ITPR3: variants seen among roughly 807,000 people sequenced by gnomAD.
The protein encoded by ITPR3 is inositol 1,4,5-trisphosphate receptor type 3.
ITPR3 carries 173 observed loss-of-function variants against 293.2 expected under a neutral mutation model. The ratio of observed to expected loss-of-function variants is 0.59; its 90% CI spans 0.52 to 0.67. The LOEUF is 0.67. Among genes scored for constraint, ITPR3 ranks in the 30% least tolerant of loss-of-function variants. ITPR3 has a pLI of 0.00. For missense variants in ITPR3, 2,796 were observed against 3,592.1 expected (o/e 0.78, Z 5.66); for synonymous variants, 1,295 against 1,444.4 (o/e 0.90, Z 2.35).
At position 33,695,875 on chromosome 6, in the gene ITPR3, C is replaced by A; in HGVS notation, c.*95C>A. 8.1e-7 allele frequency: 1 copy of A among 1,231,724 alleles called. No homozygotes were observed. The allele number at this position is 1,231,724 out of a possible 1,614,324, so 76.3% of individuals were successfully genotyped here. A position where few individuals can be genotyped will look rare whatever the true frequency, so the allele number is the denominator to read the frequency against. ...CCTCCCTCGGGTTGGGTGGCCCAGC[C>A]AGCTGGCCAGCCTCCACTCCCACTC... On this transcript the variant is annotated 3_prime_UTR_variant, in exon 58 of 58. Coordinates refer to ENST00000605930, the MANE Select transcript of ITPR3 (RefSeq NM_002224.4).
Position 33,675,042 on chromosome 6 carries a change from G to A in ITPR3, c.3117-649G>A, listed in dbSNP as rs1345367671. Among the ~76,000 whole-genome samples the A allele has an allele frequency of 6.6e-6, 1 of 152,166 alleles. No individual in the cohort carries two copies. Among genetic ancestry groups the A allele is most frequent in the African/African-American group, 2.4e-5 (1 of 41,416 alleles). ...TTGGTTAGAGGTTGGGAAAAATAAA[G>A]ATGTAACATTTTCTCCATCTCTGTT... On this transcript the variant is annotated intron_variant, in intron 24 of 57. Coordinates refer to ENST00000605930, the MANE Select transcript of ITPR3 (RefSeq NM_002224.4). The surrounding 1 kb of genome is among the most constrained non-coding windows in gnomAD (Gnocchi z 5.0).
At position 33,633,030 on chromosome 6, in the gene ITPR3, A is replaced by G. The variant is rs1043196197; in HGVS notation, c.90-7454A>G. Among the ~76,000 whole-genome samples the G allele has an allele frequency of 6.6e-6, 1 of 152,204 alleles. No individual in the cohort carries two copies. Among genetic ancestry groups the G allele is most frequent in the Admixed American group, 6.5e-5 (1 of 15,278 alleles). On this transcript the variant is annotated intron_variant, in intron 1 of 57. Transcript: ENST00000605930. This position sits in a 1 kb window ranked among gnomAD's most constrained non-coding sequence, Gnocchi z 5.2. ...CACTCTGGACTGTGGTAAGAACACA[A>G]TGAGATACTGGATGTAAAAACGATT...
At chr6:33,627,559 C>T (rs1763575747) in intron 1 of ITPR3, among the ~76,000 whole-genome samples, 1 of 152,196 alleles carries the variant, frequency 6.6e-6, no homozygotes, top group Non-Finnish European at 1.5e-5. Flanking sequence ...GAACAATTTG[C>T]CCTGAACATC....
Position 33,655,822 on chromosome 6 carries a change from A to G in ITPR3, c.217A>G (p.Lys73Glu), listed in dbSNP as rs762654309. 1 of 1,614,064 alleles carries G rather than the reference A, an allele frequency of 6.2e-7. No homozygotes were observed. The highest frequency in any genetic ancestry group is 8.5e-7 in the Non-Finnish European group (1 of 1,179,990). Residue 73 changes from lysine to glutamate, a missense_variant, in exon 3 of 58, where the codon AAG becomes GAG. Coordinates refer to ENST00000605930, the MANE Select transcript of ITPR3 (RefSeq NM_002224.4). The surrounding 1 kb of genome is among the most constrained non-coding windows in gnomAD (Gnocchi z 4.9). Reference sequence around the variant, plus strand: ...CTACTCGGCCCAGAAGCAGTACTGGAAGGCCAAGCAGACTAAGCAGGACAA... The same window carrying G: ...CTACTCGGCCCAGAAGCAGTACTGGGAGGCCAAGCAGACTAAGCAGGACAA... ...NRYSAQKQYW[K>E]AKQTKQDKEK...
chr6:33,695,117 T>G, intron 57 of ITPR3, 32 bp downstream of exon 57: 1 of 1,609,842 alleles, frequency 6.2e-7, no homozygotes. Context: ...AGGCCCACCC[T>G]GGGTTCTATC....
At chr6:33,685,620 G>C in intron 40 of ITPR3, 23 bp from the exon 41 acceptor site, 1 of 1,583,592 alleles carries the variant, frequency 6.3e-7, no homozygotes, top group Non-Finnish European at 8.6e-7. Context: ...GGCAGCTCCA[G>C]CCTCACCAGG....
chr6:33,641,355 C>T (rs984425614), intron 2 of ITPR3, among the ~76,000 whole-genome samples: 1 of 152,236 alleles, frequency 6.6e-6, no homozygotes, highest in Admixed American at 6.5e-5. Context: ...AGTCTGCCCG[C>T]GTGGCTGCTC....
In ITPR3 at chr6:33,695,007, G is replaced by A. The variant is rs1202270868; in HGVS notation, c.7869G>A (p.Arg2623=). 1.2e-6 allele frequency: 2 copies of A among 1,613,996 alleles called. No individual in the cohort carries two copies. The highest frequency in any genetic ancestry group is 1.7e-6 in the Non-Finnish European group (2 of 1,180,038). ...NEGEGEQNEI[R]ILQDKLNSTM... is the part of the protein sequence containing the mutation. The stretch of plus-strand genomic sequence containing the variant: ...GCGAGGGGGAGCAGAATGAGATTCG[G>A]ATTCTCCAGGACAAGCTCAACTCCA... The change falls in exon 57 of 58, where the codon CGG becomes CGA. Residue 2623 remains arginine, a synonymous_variant. Coordinates refer to ENST00000605930, the MANE Select transcript of ITPR3 (RefSeq NM_002224.4).
chr6:33,647,497 CAT>C (rs1292973298), intron 2 of ITPR3, among the ~76,000 whole-genome samples: 1 of 152,156 alleles, frequency 6.6e-6, no homozygotes, highest in African/African-American at 2.4e-5. Context: ...ACTCAGTACC[CAT>C]TAAACAATAA....
intron 57 of ITPR3, 72 bp from the exon 58 acceptor site, chr6:33,695,640 T>A: frequency 4.1e-6 from 6 of 1,465,350 alleles, no homozygotes; most frequent in Non-Finnish European, 5.7e-6. Context: ...GGTGCCAAGC[T>A]CTTCCACAGC....
At chr6:33,651,806 G>C (rs1415729672) in intron 2 of ITPR3, among the ~76,000 whole-genome samples, 1 of 152,192 alleles carries the variant, frequency 6.6e-6, no homozygotes. Context: ...AGGTCACCAT[G>C]GTTCTCAGCC....
rs761943200 is a variant in ITPR3, at chr6:33,684,875, G to A, written c.5239G>A (p.Glu1747Lys). ...VCDLITSTKN[E>K]KIFQESIGLA... ...CGACCTCATCACCAGCACCAAGAAC[G>A]AGAAGATCTTCCAGGAGAGCATCGG... The change falls in exon 39 of 58, where the codon GAG (glutamate) becomes AAG (lysine). Residue 1747 changes from glutamate to lysine, a missense_variant. Transcript: ENST00000605930. This position sits in a 1 kb window ranked among gnomAD's most constrained non-coding sequence, Gnocchi z 4.2. The A allele has an allele frequency of 2.5e-6, 4 of 1,613,960 alleles. No homozygotes were observed. Among genetic ancestry groups the A allele is most frequent in the African/African-American group, 1.3e-5 (1 of 74,932 alleles).
Position 33,694,972 on chromosome 6 carries a change from A to G in ITPR3, c.7834A>G (p.Ser2612Gly). The G allele has an allele frequency of 1.9e-6, 3 of 1,614,180 alleles. No homozygotes were observed. The highest frequency in any genetic ancestry group is 2.5e-6 in the Non-Finnish European group (3 of 1,180,034). ...FPRMRAMSLV[S>G]NEGEGEQNEI... ...CCGGATGCGGGCCATGTCCCTTGTC[A>G]GCAATGAGGGCGAGGGGGAGCAGAA... Residue 2612 changes from serine (S) to glycine (G), a missense_variant, in exon 57 of 58, where the codon AGC (serine) becomes GGC (glycine). Ser to Gly is a moderately conservative substitution (Grantham distance 56). Around this residue, in one of 8 missense-constraint regions of ITPR3, gnomAD observed 568 missense variants for 796.1 expected, o/e 0.71. Transcript: ENST00000605930.
chr6:33,685,133 G>C lies in ITPR3; in HGVS notation c.5307+190G>C, dbSNP rs149974934. The stretch of plus-strand genomic sequence containing the variant: ...GAGGAGACGGGCTCAGGCCTGGCTG[G>C]GGCAGAGGGGTATGCGGGGGTGATG... On this transcript the variant is annotated intron_variant, in intron 39 of 57. Transcript: ENST00000605930. 4.0e-3 allele frequency among the ~76,000 whole-genome samples: 611 copies of C among 152,330 alleles called. 3 individuals are homozygous for C. The highest frequency in any genetic ancestry group is 0.013 in the African/African-American group (542 of 41,590).
chr6:33,669,259 T>G, intron 18 of ITPR3, 103 bp downstream of exon 18: 1 of 1,198,912 alleles, frequency 8.3e-7, no homozygotes, highest in South Asian at 1.5e-5. Context: ...CAGCCTCAGG[T>G]GGGGCTCCTG....
intron 7 of ITPR3, among the ~76,000 whole-genome samples, chr6:33,662,089 G>A (rs1764486950): frequency 6.7e-6 from 1 of 150,312 alleles, no homozygotes; most frequent in South Asian, 2.1e-4. Context: ...ATCCAACAGG[G>A]GAGCAAAAGA....
Position 33,629,183 on chromosome 6 carries a change from G to A in ITPR3, c.89+7492G>A, listed in dbSNP as rs189641866. On this transcript the variant is annotated intron_variant, in intron 1 of 57. Transcript: ENST00000605930. ...TTTACAGTGGTCACATTTGATATTT[G>A]TATTTTTTGCTGAAGTATTTTATGA... Among the ~76,000 whole-genome samples the A allele has an allele frequency of 5.9e-4, 86 of 145,426 alleles. 1 individual carries two copies. The highest frequency in any genetic ancestry group is 6.8e-3 in the Middle Eastern group (2 of 292).
chr6:33,686,958 G>C, intron 43 of ITPR3, 51 bp from the exon 44 acceptor site: 1 of 1,424,368 alleles, frequency 7.0e-7, no homozygotes, highest in Non-Finnish European at 9.9e-7. Flanking sequence ...AAGTTGTCAG[G>C]GGCATGGTGT....
intron 1 of ITPR3, among the ~76,000 whole-genome samples, chr6:33,626,100 A>G (rs1763543838): frequency 6.6e-6 from 1 of 152,004 alleles, no homozygotes; most frequent in South Asian, 2.1e-4. Flanking sequence ...GCATCTGGCT[A>G]GTTTTTGTAT....
Sources: allele counts gnomAD v4.1 joint callset (sites outside exome capture counted in the v4.1 genomes callset), GRCh38; gene constraint gnomAD v4.1.1; regional missense constraint gnomAD v4.1.1; non-coding constraint Gnocchi (gnomAD v3.1); transcripts MANE v1.5; gene names NCBI Gene and HGNC (gene_info 2026-07-23, HGNC 2026-07-21).